The following ADAT1 variants were observed in gnomAD, a reference collection of about 807,000 sequenced individuals.
ADAT1 encodes the protein tRNA-specific adenosine deaminase 1.
Under a neutral mutation model 58.6 loss-of-function variants are expected in ADAT1, and 58 were observed. The ratio of observed to expected loss-of-function variants is 0.99; its 90% confidence interval spans 0.80 to 1.23. The LOEUF is 1.23. Among genes scored for constraint, ADAT1 ranks in the 50% most tolerant of loss-of-function variants. The pLI is 0.00. For synonymous variants in ADAT1, 254 were observed against 220.8 expected (o/e 1.15, Z -1.33); for missense variants, 741 against 608.6 (o/e 1.22, Z -2.29).
intron 5 of ADAT1, among the ~76,000 whole-genome samples, chr16:75,616,780 C>T (rs949810481): frequency 1.3e-5 from 2 of 152,166 alleles, no homozygotes; most frequent in Admixed American, 6.5e-5. Flanking sequence ...AGTATTTGTT[C>T]AATGACTAAA....
intron 5 of ADAT1, among the ~76,000 whole-genome samples, chr16:75,615,612 G>A (rs1389663962): frequency 2.0e-5 from 3 of 151,538 alleles, no homozygotes; most frequent in African/African-American, 7.3e-5. Context: ...CAGGCAGGCC[G>A]TGGGTTAGAC....
At chr16:75,615,925 G>T (rs962172363) in intron 5 of ADAT1, among the ~76,000 whole-genome samples, 1 of 152,088 alleles carries the variant, frequency 6.6e-6, no homozygotes, top group African/African-American at 2.4e-5. Context: ...AAAGAGCAAG[G>T]ATGAGTGCTG....
intron 4 of ADAT1, 81 bp downstream of exon 4, chr16:75,618,505 C>CT: frequency 3.1e-6 from 3 of 967,024 alleles, no homozygotes; most frequent in Non-Finnish European, 4.6e-6. Flanking sequence ...GACTCTGTCC[C>CT]CCCCAAAAAA....
rs1224514841 is a variant in ADAT1 at position 75,609,364 on chromosome 16, T to C, written c.1044-376A>G. On this transcript the variant is annotated intron_variant, in intron 6 of 9. Coordinates refer to ENST00000564657, the MANE Select transcript of ADAT1 (RefSeq NM_001324445.2). Reference sequence around the variant, plus strand: ...AAAATTATCCTATAATATAAAAGCTTCATTTTTTTCTCTTGTATCTTTGAA... The same window carrying C: ...AAAATTATCCTATAATATAAAAGCTCCATTTTTTTCTCTTGTATCTTTGAA... Among the ~76,000 whole-genome samples, 3 of 152,272 alleles carry C rather than the reference T, an allele frequency of 2.0e-5. No individual in the cohort carries two copies. The East Asian group carries it at 5.8e-4, about 29-fold the overall frequency.
Position 75,607,410 on chromosome 16 carries a change from G to A in ADAT1, c.1289+814C>T, listed in dbSNP as rs139183404. ...CCAGCTACTAGGAAGGCTGAGGCAG[G>A]AGAATCGCTTGAACCCCAGGGGCGG... On this transcript the variant is annotated intron_variant, in intron 8 of 9. Coordinates refer to ENST00000564657, the MANE Select transcript of ADAT1 (RefSeq NM_001324445.2). Among the ~76,000 whole-genome samples, 779 of 151,566 alleles carry A rather than the reference G, an allele frequency of 5.1e-3. 8 individuals are homozygous for A. Among genetic ancestry groups the A allele is most frequent in the African/African-American group, 0.018 (742 of 41,306 alleles).
chr16:75,605,240 A>T (rs891303209), intron 8 of ADAT1, among the ~76,000 whole-genome samples: 3 of 151,848 alleles, frequency 2.0e-5, no homozygotes, highest in African/African-American at 7.3e-5. Flanking sequence ...ACAGGCACGT[A>T]CCATCACGCC....
At chr16:75,604,841 T>A (rs1419070463) in intron 8 of ADAT1, among the ~76,000 whole-genome samples, 1 of 152,010 alleles carries the variant, frequency 6.6e-6, no homozygotes, top group Non-Finnish European at 1.5e-5. Flanking sequence ...GTCAACACAG[T>A]AAGAGAAATA....
chr16:75,617,978 C>T (rs572572629), intron 4 of ADAT1, among the ~76,000 whole-genome samples: 1 of 150,084 alleles, frequency 6.7e-6, no homozygotes, highest in Admixed American at 6.7e-5. Context: ...GCGCCTGTAA[C>T]CCCAGCTATT....
intron 9 of ADAT1, 133 bp from the exon 10 acceptor site, chr16:75,600,481 G>A (rs1302789401): frequency 7.1e-7 from 1 of 1,402,086 alleles, no homozygotes; most frequent in Non-Finnish European, 9.5e-7. Flanking sequence ...GTATGCTTTT[G>A]TGAAAGTTGA....
At chr16:75,619,489 A>G in intron 3 of ADAT1, 1 of 403,748 alleles carries the variant, frequency 2.5e-6, no homozygotes, top group Non-Finnish European at 4.9e-6. Flanking sequence ...GTGAGCTATG[A>G]TAGTACCACC....
intron 8 of ADAT1, among the ~76,000 whole-genome samples, chr16:75,605,911 T>C (rs1597099069): frequency 8.6e-6 from 1 of 116,740 alleles, no homozygotes; most frequent in Non-Finnish European, 1.7e-5. Flanking sequence ...TACTCCAGCC[T>C]GGGCGGTAAG....
At chr16:75,611,303 G>A (rs1464928859) in intron 6 of ADAT1, among the ~76,000 whole-genome samples, 1 of 152,170 alleles carries the variant, frequency 6.6e-6, no homozygotes, top group Non-Finnish European at 1.5e-5. Flanking sequence ...TTTCTTATGT[G>A]TGGATGTACT....
intron 8 of ADAT1, among the ~76,000 whole-genome samples, chr16:75,604,091 C>G (rs1240727856): frequency 6.6e-6 from 1 of 151,900 alleles, no homozygotes; most frequent in East Asian, 1.9e-4. Flanking sequence ...GAAAACAAAG[C>G]AAAAATTAAT....
intron 5 of ADAT1, among the ~76,000 whole-genome samples, chr16:75,613,113 A>G (rs1205930989): frequency 6.6e-6 from 1 of 152,142 alleles, no homozygotes; most frequent in Non-Finnish European, 1.5e-5. Flanking sequence ...ATGAGTTAAG[A>G]GCACATGCAC....
In ADAT1 at chr16:75,621,239, ATCTG is replaced by A. The variant is rs375426228; in HGVS notation, c.-21-423_-21-420del. 1.2e-4 allele frequency among the ~76,000 whole-genome samples: 16 copies of A among 128,238 alleles called. 1 individual carries two copies. In the South Asian group the frequency reaches 4.9e-3, roughly 39 times the overall value. The allele number at this position is 128,238 out of a possible 152,430, so 84.1% of individuals were successfully genotyped here. The stretch of plus-strand genomic sequence containing the variant: ...TTTATCTTTCTGGACAGATGTTCTT[ATCTG>A]TCTTCTTTTTCCAGGCATTTTATTT... On this transcript the variant is annotated intron_variant, in intron 1 of 9. Transcript: ENST00000564657.
At chr16:75,617,334 T>C in intron 4 of ADAT1, 62 bp from the exon 5 acceptor site, 1 of 1,569,944 alleles carries the variant, frequency 6.4e-7, no homozygotes, top group South Asian at 1.1e-5. Context: ...GGAAAGCCTC[T>C]GGTTGGGTGA....
At chr16:75,604,553 C>T (rs539104460) in intron 8 of ADAT1, among the ~76,000 whole-genome samples, 18 of 138,038 alleles carry the variant, frequency 1.3e-4, no homozygotes, top group Admixed American at 3.1e-4. Context: ...GGAAAATATA[C>T]GCAAAGAAAG....
chr16:75,607,016 AG>A (rs2081389549), intron 8 of ADAT1, among the ~76,000 whole-genome samples: 1 of 152,152 alleles, frequency 6.6e-6, no homozygotes. Flanking sequence ...TCACAAGGTC[AG>A]GAATTCAAGA....
Position 75,612,631 on chromosome 16 carries a change from C to G in ADAT1, c.655G>C (p.Gly219Arg). The change falls in exon 6 of 10, where the codon GGC (glycine) becomes CGC (arginine). Residue 219 changes from glycine (G) to arginine (R), a missense_variant. Coordinates refer to ENST00000564657, the MANE Select transcript of ADAT1 (RefSeq NM_001324445.2). ...GAGATTGGGCCACTTTTCTGCTTGC[C>G]AAAACTCTGATGGTGAGCTGCTCCG... ...TNGAAHHQSF[G>R]KQKSGPISPG... The G allele has an allele frequency of 6.2e-7, 1 of 1,614,000 alleles. No homozygotes were observed. The highest frequency in any genetic ancestry group is 8.5e-7 in the Non-Finnish European group (1 of 1,179,998).
Sources: gnomAD v4.1 joint callset for allele counts (sites outside exome capture counted in the v4.1 genomes callset) on GRCh38, gnomAD v4.1.1 for gene constraint, MANE v1.5 for transcripts, NCBI Gene and HGNC (gene_info 2026-07-23, HGNC 2026-07-21) for gene names.